Variants in ALX1 observed in about 807,000 individuals in gnomAD.
ALX1 encodes ALX homeobox protein 1.
A neutral mutation model predicts 31.7 loss-of-function variants in ALX1; 19 were observed. The ratio of observed to expected loss-of-function variants is 0.60; its 90% CI spans 0.42 to 0.88. The LOEUF (loss-of-function observed/expected upper bound fraction) is 0.88. ALX1 is among the 40% of genes least tolerant of loss of function. The pLI is 0.00. For synonymous variants in ALX1, 153 were observed against 148.8 expected (o/e 1.03, Z -0.20); for missense variants, 415 against 407.8 (o/e 1.02, Z -0.15).
intron 3 of ALX1, among the ~76,000 whole-genome samples, chr12:85,296,970 A>G (rs548377575): frequency 1.3e-5 from 2 of 151,866 alleles, no homozygotes; most frequent in East Asian, 3.9e-4. Context: ...CCTTTAACGA[A>G]TCAGAGTGCG....
intron 1 of ALX1, 103 bp from the exon 2 acceptor site, chr12:85,283,469 A>G (rs1258700376): frequency 5.0e-6 from 6 of 1,189,054 alleles, no homozygotes; most frequent in Non-Finnish European, 6.2e-6. Flanking sequence ...ATAAATTATT[A>G]ATAGGCCAAT....
intron 3 of ALX1, among the ~76,000 whole-genome samples, chr12:85,294,797 G>A (rs1172287365): frequency 1.3e-5 from 2 of 149,914 alleles, no homozygotes; most frequent in African/African-American, 4.9e-5. Context: ...TTTTTTTAAT[G>A]GAAAAGTCAC....
chr12:85,301,666 G>A lies in ALX1; in HGVS notation c.*191G>A. The A allele has an allele frequency of 1.5e-6, 1 of 665,996 alleles. No individual in the cohort carries two copies. The highest frequency in any genetic ancestry group is 2.0e-5 in the South Asian group (1 of 49,794). 41.3% of individuals were successfully genotyped at this position (665,996 alleles called of 1,614,324 possible). On this transcript the variant is annotated 3_prime_UTR_variant, in exon 4 of 4. Transcript: ENST00000316824. ...AATGAACCTCTGAAAAGACTAAATA[G>A]GTTTACCATGTGCCAGTCTCCACAA...
rs532007095 is a variant in ALX1, at chr12:85,280,566, G to C, written c.226+79G>C. 84 of 1,474,868 alleles carry C rather than the reference G, an allele frequency of 5.7e-5. No homozygotes were observed. In the South Asian group the frequency reaches 9.5e-4, roughly 17 times the overall value. 91.4% of individuals were successfully genotyped at this position (1,474,868 alleles called of 1,614,324 possible). ...TGCAGGATCGGTCTGATCAGGCAGG[G>C]AGGGAGAAAGGAGAAAAGTGGGAGC... On this transcript the variant is annotated intron_variant, in intron 1 of 3. Coordinates refer to ENST00000316824, the MANE Select transcript of ALX1 (RefSeq NM_006982.3).
At chr12:85,296,544 C>T (rs896785541) in intron 3 of ALX1, among the ~76,000 whole-genome samples, 1 of 151,552 alleles carries the variant, frequency 6.6e-6, no homozygotes, top group Admixed American at 6.6e-5. Context: ...CGCTGTACTT[C>T]CATTCATGCT....
chr12:85,295,558 C>G (rs549725493), intron 3 of ALX1, among the ~76,000 whole-genome samples: 2 of 151,492 alleles, frequency 1.3e-5, no homozygotes, highest in East Asian at 3.9e-4. Flanking sequence ...AAGAGGAAAA[C>G]CAAATCAGTT....
chr12:85,295,684 G>C (rs1160080456), intron 3 of ALX1, among the ~76,000 whole-genome samples: 1 of 151,530 alleles, frequency 6.6e-6, no homozygotes, highest in African/African-American at 2.4e-5. Context: ...GTGTGAGCAT[G>C]TGATGCGAGA....
intron 1 of ALX1, 83 bp from the exon 2 acceptor site, chr12:85,283,489 C>G (rs536586618): frequency 7.1e-7 from 1 of 1,413,262 alleles, no homozygotes; most frequent in Non-Finnish European, 1.0e-6. Context: ...TTTCTTGATA[C>G]TCTCAATTAC....
At chr12:85,294,457 C>T (rs1005134262) in intron 3 of ALX1, among the ~76,000 whole-genome samples, 2 of 151,062 alleles carry the variant, frequency 1.3e-5, no homozygotes, top group Non-Finnish European at 3.0e-5. Flanking sequence ...TGAAAACTTT[C>T]ATTTTAAAGC....
chr12:85,282,741 A>G (rs1014217684), intron 1 of ALX1, among the ~76,000 whole-genome samples: 2 of 152,164 alleles, frequency 1.3e-5, no homozygotes, highest in African/African-American at 4.8e-5. Context: ...ACATCCCTTA[A>G]CAGAATGCCA....
intron 2 of ALX1, among the ~76,000 whole-genome samples, chr12:85,284,254 G>A (rs534863262): frequency 1.4e-5 from 2 of 146,730 alleles, no homozygotes; most frequent in Non-Finnish European, 3.0e-5. Flanking sequence ...AGCCACTAAG[G>A]TTCTTTTTTA....
intron 1 of ALX1, among the ~76,000 whole-genome samples, chr12:85,281,868 A>G (rs1593046718): frequency 1.3e-5 from 2 of 152,338 alleles, no homozygotes; most frequent in South Asian, 2.1e-4. Flanking sequence ...TGATTCTGCA[A>G]TGTCTTGTAT....
rs558545018 is a variant in ALX1, at chr12:85,296,689, A to G, written c.661-4466A>G. On this transcript the variant is annotated intron_variant, in intron 3 of 3. Coordinates refer to ENST00000316824, the MANE Select transcript of ALX1 (RefSeq NM_006982.3). ...TTTTTAGATTCTCCACTCCTTTTAA[A>G]CACAACAAAGAAAAAAAAATAAAGG... Among the ~76,000 whole-genome samples, 4 of 151,746 alleles carry G rather than the reference A, an allele frequency of 2.6e-5. No homozygotes were observed. In the South Asian group the frequency reaches 6.2e-4, roughly 24 times the overall value.
At chr12:85,282,275 T>C (rs1896685179) in intron 1 of ALX1, among the ~76,000 whole-genome samples, 1 of 152,162 alleles carries the variant, frequency 6.6e-6, no homozygotes, top group Admixed American at 6.5e-5. Context: ...ATTATAGTTG[T>C]ATATATTTAT....
chr12:85,294,158 T>C (rs1422981572), intron 3 of ALX1, among the ~76,000 whole-genome samples: 1 of 151,232 alleles, frequency 6.6e-6, no homozygotes, highest in African/African-American at 2.4e-5. Flanking sequence ...AAAATATTTG[T>C]GTATTTTATT....
chr12:85,288,796 T>A (rs1274656256), intron 3 of ALX1, among the ~76,000 whole-genome samples: 2 of 151,486 alleles, frequency 1.3e-5, no homozygotes, highest in Non-Finnish European at 3.0e-5. Context: ...GACAATAGAC[T>A]GTCTCTACCT....
chr12:85,295,604 T>A (rs1000664655), intron 3 of ALX1, among the ~76,000 whole-genome samples: 22 of 151,586 alleles, frequency 1.5e-4, no homozygotes, highest in Non-Finnish European at 1.5e-5. Flanking sequence ...TGCTATAACA[T>A]CATCACAAGT....
At chr12:85,300,831 T>C (rs1226474131) in intron 3 of ALX1, among the ~76,000 whole-genome samples, 1 of 152,116 alleles carries the variant, frequency 6.6e-6, no homozygotes, top group East Asian at 1.9e-4. Flanking sequence ...ACTTTTCTAA[T>C]CGTATGAATT....
chr12:85,295,766 T>C (rs1168084109), intron 3 of ALX1, among the ~76,000 whole-genome samples: 2 of 151,526 alleles, frequency 1.3e-5, no homozygotes, highest in African/African-American at 4.8e-5. Context: ...CAAGTAAATA[T>C]GATCGATGTT....
Sources: allele counts gnomAD v4.1 joint callset (sites outside exome capture counted in the v4.1 genomes callset), GRCh38; gene constraint gnomAD v4.1.1; transcripts MANE v1.5; gene names NCBI Gene and HGNC (gene_info 2026-07-23, HGNC 2026-07-21).